MACROD2: variants seen among roughly 807,000 people sequenced by gnomAD.
MACROD2 encodes ADP-ribose glycohydrolase MACROD2.
A neutral mutation model predicts 70.4 loss-of-function variants in MACROD2; 36 were observed. The observed-to-expected ratio is 0.51, with a 90% CI of 0.39 to 0.68. MACROD2 has a LOEUF of 0.68. Ranked by LOEUF, MACROD2 falls within the 30% of genes least tolerant of loss-of-function variation. MACROD2 has a pLI of 0.00. For missense variants in MACROD2, 496 were observed against 538.4 expected (o/e 0.92, Z 0.78); for synonymous variants, 172 against 178.8 (o/e 0.96, Z 0.30).
At chr20:15,754,500 C>T (rs2051317740) in intron 8 of MACROD2, among the ~76,000 whole-genome samples, 1 of 151,942 alleles carries the variant, frequency 6.6e-6, no homozygotes, top group Non-Finnish European at 1.5e-5. Flanking sequence ...ACCCATGCTA[C>T]TCGGGAGGCT....
At chr20:14,720,565 T>G (rs1438400719) in intron 5 of MACROD2, among the ~76,000 whole-genome samples, 6 of 109,886 alleles carry the variant, frequency 5.5e-5, no homozygotes, top group African/African-American at 2.0e-4. Flanking sequence ...TTTTTTTTTT[T>G]TTTTTGTGAG....
chr20:15,393,382 G>C (rs1280883460), intron 6 of MACROD2, among the ~76,000 whole-genome samples: 2 of 152,120 alleles, frequency 1.3e-5, no homozygotes, highest in Non-Finnish European at 2.9e-5. Context: ...TTTTGTTTCT[G>C]CTTCATTTCA....
chr20:15,459,177 A>C (rs533910156), intron 7 of MACROD2, among the ~76,000 whole-genome samples: 1 of 152,024 alleles, frequency 6.6e-6, no homozygotes, highest in Non-Finnish European at 1.5e-5. Context: ...CTTTTTAAAA[A>C]TTTTTCCATG....
intron 6 of MACROD2, among the ~76,000 whole-genome samples, chr20:15,420,702 G>A (rs567445220): frequency 6.6e-6 from 1 of 152,130 alleles, no homozygotes; most frequent in Non-Finnish European, 1.5e-5. Flanking sequence ...AATTTTAAAT[G>A]TGCTTCTTCT....
chr20:14,647,084 C>G (rs1404128430), intron 4 of MACROD2, among the ~76,000 whole-genome samples: 1 of 152,092 alleles, frequency 6.6e-6, no homozygotes, highest in Non-Finnish European at 1.5e-5. Context: ...CATTTTCCCT[C>G]TAAAACAAGT....
At chr20:15,473,001 T>C (rs1321486424) in intron 7 of MACROD2, among the ~76,000 whole-genome samples, 1 of 152,228 alleles carries the variant, frequency 6.6e-6, no homozygotes, top group East Asian at 1.9e-4. Context: ...AACATCTTTT[T>C]CTCATACTTC....
chr20:16,022,067 T>C (rs2067009643), intron 15 of MACROD2, among the ~76,000 whole-genome samples: 1 of 127,352 alleles, frequency 7.9e-6, no homozygotes. Context: ...TTTTTTTTTT[T>C]TGAGACAGCG....
chr20:15,235,032 C>T (rs187517587), intron 6 of MACROD2, among the ~76,000 whole-genome samples: 28 of 152,178 alleles, frequency 1.8e-4, no homozygotes, highest in African/African-American at 6.3e-4. Context: ...ACAGCAATTT[C>T]TTCTTCTAGC....
At chr20:15,232,064 C>A (rs175287) in intron 6 of MACROD2, among the ~76,000 whole-genome samples, 42,019 of 151,686 alleles carry the variant, frequency 0.28, 6,039 homozygotes, top group African/African-American at 0.33. Context: ...TTCTTTCTCC[C>A]TCCTTCCCTT....
At chr20:14,437,033 C>G (rs1003472648) in intron 3 of MACROD2, among the ~76,000 whole-genome samples, 1 of 152,100 alleles carries the variant, frequency 6.6e-6, no homozygotes, top group Non-Finnish European at 1.5e-5. Flanking sequence ...TTCAATTTGG[C>G]AGGACCCAAG....
At chr20:15,615,562 C>T (rs560812420) in intron 8 of MACROD2, among the ~76,000 whole-genome samples, 7 of 152,044 alleles carry the variant, frequency 4.6e-5, no homozygotes, top group Non-Finnish European at 5.9e-5. Context: ...AGCCGGCACT[C>T]GATACTAGCA....
intron 5 of MACROD2, among the ~76,000 whole-genome samples, chr20:14,873,493 C>T (rs1014352261): frequency 2.6e-5 from 4 of 152,066 alleles, no homozygotes; most frequent in Admixed American, 1.3e-4. Context: ...ATGGAATGCT[C>T]CAGACTCAGA....
intron 8 of MACROD2, among the ~76,000 whole-genome samples, chr20:15,763,604 A>G (rs1038156848): frequency 6.6e-6 from 1 of 152,212 alleles, no homozygotes. Context: ...ACATGCTTAG[A>G]CTATGACTAA....
At chr20:14,829,107 C>T (rs1280271648) in intron 5 of MACROD2, among the ~76,000 whole-genome samples, 1 of 151,288 alleles carries the variant, frequency 6.6e-6, no homozygotes, top group Non-Finnish European at 1.5e-5. Flanking sequence ...GCTCCCCCGC[C>T]CCACAGTGTG....
At chr20:14,338,367 C>T (rs1292008876) in intron 3 of MACROD2, among the ~76,000 whole-genome samples, 2 of 152,046 alleles carry the variant, frequency 1.3e-5, no homozygotes, top group Non-Finnish European at 2.9e-5. Flanking sequence ...AACTCCATCT[C>T]CAATATATGT....
In MACROD2 at chr20:15,003,279, A is replaced by G. The variant is rs539086443; in HGVS notation, c.419-226661A>G. 6.5e-4 allele frequency among the ~76,000 whole-genome samples: 99 copies of G among 152,346 alleles called. 2 individuals are homozygous for G. Among genetic ancestry groups the G allele is most frequent in the Non-Finnish European group, 9.4e-4 (64 of 68,028 alleles). The stretch of plus-strand genomic sequence containing the variant: ...GACACACAATTTATGTAAAAAGGAT[A>G]TGAAACAACAGTAAGTGCTGCATGC... On this transcript the variant is annotated intron_variant, in intron 5 of 17. Transcript: ENST00000684519.
At chr20:14,688,117 C>T (rs1027714313) in intron 5 of MACROD2, among the ~76,000 whole-genome samples, 2 of 152,234 alleles carry the variant, frequency 1.3e-5, no homozygotes, top group African/African-American at 2.4e-5. Context: ...CTGTTTGGGT[C>T]ATTTTTCCTC....
intron 3 of MACROD2, among the ~76,000 whole-genome samples, chr20:14,397,662 T>C (rs2083594893): frequency 6.6e-6 from 1 of 152,180 alleles, no homozygotes; most frequent in African/African-American, 2.4e-5. Context: ...CAGAGTGATA[T>C]TTTCATAGAT....
intron 8 of MACROD2, among the ~76,000 whole-genome samples, chr20:15,691,250 A>G (rs2050295490): frequency 2.0e-5 from 3 of 152,218 alleles, no homozygotes; most frequent in African/African-American, 7.2e-5. Context: ...TAACACAAGC[A>G]TCATAGCCTT....
Sources: gnomAD v4.1 joint callset for allele counts (sites outside exome capture counted in the v4.1 genomes callset) on GRCh38, gnomAD v4.1.1 for gene constraint, MANE v1.5 for transcripts, NCBI Gene and HGNC (gene_info 2026-07-23, HGNC 2026-07-21) for gene names.